NUMA1: variants seen among roughly 807,000 people sequenced by gnomAD.
NUMA1 encodes the protein SP-H antigen.
Under a neutral mutation model 237.1 loss-of-function variants are expected in NUMA1, and 62 were observed. The observed-to-expected ratio is 0.26, with a 90% CI of 0.21 to 0.32. The LOEUF (loss-of-function observed/expected upper bound fraction) is 0.32. NUMA1 is among the 10% of genes least tolerant of loss of function. The pLI, the probability that NUMA1 is intolerant of heterozygous loss-of-function variation, is 1.00. For missense variants in NUMA1, 2,533 were observed against 2,666.5 expected, an observed-to-expected ratio of 0.95 and a Z score of 1.10; for synonymous variants, 1,028 against 1,066.1, an observed-to-expected ratio of 0.96 and a Z score of 0.70.
chr11:72,015,264 C>T lies in NUMA1; in HGVS notation c.2239G>A (p.Val747Met). The change falls in exon 15 of 27, where the codon GTG (valine) becomes ATG (methionine). Residue 747 changes from valine to methionine, a missense_variant. This residue lies in a region of NUMA1 where 1,414 missense variants were observed against 1,508.1 expected (regional missense o/e 0.94). Transcript: ENST00000393695. This position sits in a 1 kb window ranked among gnomAD's most constrained non-coding sequence, Gnocchi z 4.0. Reference sequence around the variant, plus strand: ...TTTCGTTCCCGCTTATGCTGCTCCACCAGGCTTCGGGTCTCTGCCTTCAGC... The same window carrying T: ...TTTCGTTCCCGCTTATGCTGCTCCATCAGGCTTCGGGTCTCTGCCTTCAGC... ...SELKAETRSL[V>M]EQHKRERKEL... The T allele has an allele frequency of 1.9e-6, 3 of 1,613,700 alleles. No homozygotes were observed. Among genetic ancestry groups the T allele is most frequent in the Non-Finnish European group, 1.7e-6 (2 of 1,180,032 alleles).
At position 72,003,488 on chromosome 11, in the gene NUMA1, T is replaced by A; in HGVS notation, c.*39A>T. ...GGCGGAGGACCAGGTGAGGTCAGCA[T>A]CGGGGACACAGGTGGGGCCACTCAC... On this transcript the variant is annotated 3_prime_UTR_variant, in exon 27 of 27. Transcript: ENST00000393695. 1 of 1,608,538 alleles carries A rather than the reference T, an allele frequency of 6.2e-7. No individual in the cohort carries two copies. The highest frequency in any genetic ancestry group is 1.3e-5 in the African/African-American group (1 of 74,938).
At chr11:72,057,907 TAA>T (rs749792471) in intron 2 of NUMA1, among the ~76,000 whole-genome samples, 11 of 132,620 alleles carry the variant, frequency 8.3e-5, no homozygotes, top group African/African-American at 5.6e-5. Flanking sequence ...CTGTCTCTAT[TAA>T]AAAAAAAAAA....
At chr11:72,007,124 T>G (rs1590864550) in intron 21 of NUMA1, 65 bp downstream of exon 21, 2 of 1,582,422 alleles carry the variant, frequency 1.3e-6, no homozygotes, top group East Asian at 4.5e-5. Context: ...GAGTGCCCAG[T>G]GCAAAGATGC....
At chr11:72,005,687 C>T in intron 22 of NUMA1, 1 of 492,906 alleles carries the variant, frequency 2.0e-6, no homozygotes, top group Non-Finnish European at 3.6e-6. Context: ...CCCAGGGGCT[C>T]CCTGGTGCCC....
intron 4 of NUMA1, among the ~76,000 whole-genome samples, chr11:72,027,066 C>T (rs1939681175): frequency 6.6e-6 from 1 of 152,178 alleles, no homozygotes; most frequent in Admixed American, 6.6e-5. Context: ...CAGTGGCTAA[C>T]CCAAGGACAA....
At chr11:72,005,584 G>A in intron 22 of NUMA1, 3 of 555,752 alleles carry the variant, frequency 5.4e-6, no homozygotes. Context: ...GGGCAGAAGA[G>A]GTCACACGCA....
At chr11:72,048,424 T>G (rs1258024769) in intron 2 of NUMA1, among the ~76,000 whole-genome samples, 1 of 151,904 alleles carries the variant, frequency 6.6e-6, no homozygotes, top group Non-Finnish European at 1.5e-5. Context: ...CAGGCTGGAG[T>G]ACAATGGCAC....
chr11:72,077,147 G>A (rs642618), intron 1 of NUMA1, among the ~76,000 whole-genome samples: 123,087 of 152,082 alleles, frequency 0.81, 51,942 homozygotes, highest in Non-Finnish European at 0.94. Context: ...AGATGTAGAC[G>A]ACAGAATGAG....
Position 72,026,704 on chromosome 11 carries a change from C to T in NUMA1, c.129-2351G>A, listed in dbSNP as rs146216580. Among the ~76,000 whole-genome samples, 27 of 152,234 alleles carry T rather than the reference C, an allele frequency of 1.8e-4. No homozygotes were observed. In the East Asian group the frequency reaches 5.2e-3, roughly 29 times the overall value. The stretch of plus-strand genomic sequence containing the variant: ...GGGTGCCCCTTGTCCAGTGTGCAGA[C>T]AGGAGCCACCCAACTCCCACAGCTT... On this transcript the variant is annotated intron_variant, in intron 4 of 26. Coordinates refer to ENST00000393695, the MANE Select transcript of NUMA1 (RefSeq NM_006185.4).
chr11:72,018,163 C>T lies in NUMA1; in HGVS notation c.978+20G>A. On this transcript the variant is annotated intron_variant, in intron 12 of 26. Coordinates refer to ENST00000393695, the MANE Select transcript of NUMA1 (RefSeq NM_006185.4). ...CTCAGCCCTGAGGGGCCTCCATGCACACACCACCTTAACACCCACCTTAAA... is the reference window on the plus strand; with the variant it reads ...CTCAGCCCTGAGGGGCCTCCATGCATACACCACCTTAACACCCACCTTAAA... 6.3e-7 allele frequency: 1 copy of T among 1,575,426 alleles called. No homozygotes were observed. The highest frequency in any genetic ancestry group is 8.7e-7 in the Non-Finnish European group (1 of 1,144,606).
At chr11:72,028,028 C>G (rs1939801478) in intron 4 of NUMA1, among the ~76,000 whole-genome samples, 1 of 152,186 alleles carries the variant, frequency 6.6e-6, no homozygotes, top group African/African-American at 2.4e-5. Context: ...CTGGTTAGAG[C>G]CATATGGAAT....
At chr11:72,017,886 T>C in intron 12 of NUMA1, 59 bp from the exon 13 acceptor site, 1 of 1,566,798 alleles carries the variant, frequency 6.4e-7, no homozygotes, top group Non-Finnish European at 8.7e-7. Context: ...CCACCACTGC[T>C]GTCTGCTCCC....
intron 1 of NUMA1, chr11:72,070,241 G>A (rs1451130228): frequency 6.6e-6 from 1 of 152,268 alleles, no homozygotes; most frequent in African/African-American, 2.4e-5. Flanking sequence ...TCATTTTCAA[G>A]TGTCTCTCCT....
Position 72,018,820 on chromosome 11 carries a change from T to C in NUMA1, c.742+3A>G. Reference sequence around the variant, plus strand: ...CACATCTGCCAGTGTGCCAGCCACCTACCCTTCTCGGTGAGGAGCTTGCGG... The same window carrying C: ...CACATCTGCCAGTGTGCCAGCCACCCACCCTTCTCGGTGAGGAGCTTGCGG... On this transcript the variant is annotated splice_donor_region_variant and intron_variant, in intron 10 of 26. Coordinates refer to ENST00000393695, the MANE Select transcript of NUMA1 (RefSeq NM_006185.4). The C allele has an allele frequency of 6.2e-7, 1 of 1,607,908 alleles. No homozygotes were observed.
Position 72,007,443 on chromosome 11 carries a change from A to G in NUMA1, c.5217-8T>C. The G allele has an allele frequency of 1.2e-6, 2 of 1,612,836 alleles. No individual in the cohort carries two copies. Among genetic ancestry groups the G allele is most frequent in the Non-Finnish European group, 1.7e-6 (2 of 1,179,852 alleles). ...TGGGTACGAGGCAGCTTGCTATGGA[A>G]AGGAAACCTGCTGAGGTACAGTCCT... is the stretch of plus-strand genomic sequence containing the variant. On this transcript the variant is annotated splice_polypyrimidine_tract_variant and splice_region_variant and intron_variant, in intron 20 of 26. Coordinates refer to ENST00000393695, the MANE Select transcript of NUMA1 (RefSeq NM_006185.4).
intron 2 of NUMA1, among the ~76,000 whole-genome samples, chr11:72,052,165 G>A (rs1475977748): frequency 1.3e-5 from 2 of 152,156 alleles, no homozygotes; most frequent in African/African-American, 2.4e-5. Context: ...ATATAGGGGC[G>A]TGGGAAAGGT....
At chr11:72,016,739 T>C (rs370374381) in intron 13 of NUMA1, 1 of 585,082 alleles carries the variant, frequency 1.7e-6, no homozygotes. Context: ...AATAAAGTCA[T>C]AATGTAACCT....
chr11:72,004,247 G>C lies in NUMA1; in HGVS notation c.6101C>G (p.Ala2034Gly). The C allele has an allele frequency of 6.2e-7, 1 of 1,611,734 alleles. No homozygotes were observed. Among genetic ancestry groups the C allele is most frequent in the Non-Finnish European group, 8.5e-7 (1 of 1,179,436 alleles). Reference sequence around the variant, plus strand: ...CACCTGTTTAGTAGAAGCTGGAGCTGCTTTCTTCTGGGCCTCAGTAGTGCT... The same window carrying C: ...CACCTGTTTAGTAGAAGCTGGAGCTCCTTTCTTCTGGGCCTCAGTAGTGCT... The part of the protein sequence containing the change: ...KQSTTEAQKK[A>G]APASTKQADR... Residue 2034 changes from alanine (A) to glycine (G), a missense_variant, in exon 25 of 27, where the codon GCA becomes GGA. By Grantham distance (60) the Ala-to-Gly change is moderately conservative. Around this residue, in one of 3 missense-constraint regions of NUMA1, gnomAD observed 795 missense variants for 750.8 expected, o/e 1.06. Coordinates refer to ENST00000393695, the MANE Select transcript of NUMA1 (RefSeq NM_006185.4).
intron 6 of NUMA1, 47 bp downstream of exon 6, chr11:72,023,018 T>G: frequency 7.1e-7 from 1 of 1,414,958 alleles, no homozygotes; most frequent in African/African-American, 1.4e-5. Context: ...TCAGGTACCA[T>G]CACCCCAACC....
Sources: allele counts gnomAD v4.1 joint callset (sites outside exome capture counted in the v4.1 genomes callset), GRCh38; gene constraint gnomAD v4.1.1; regional missense constraint gnomAD v4.1.1; non-coding constraint Gnocchi (gnomAD v3.1); transcripts MANE v1.5; gene names NCBI Gene and HGNC (gene_info 2026-07-23, HGNC 2026-07-21).